The following CADPS2 variants were observed in gnomAD, a reference collection of about 807,000 sequenced individuals.
CADPS2 encodes the protein calcium-dependent secretion activator 2.
In CADPS2, 93 loss-of-function variants were observed where a neutral mutation model predicts 172.5. The observed-to-expected ratio is 0.54, with a 90% confidence interval of 0.46 to 0.64. The LOEUF is 0.64. Ranked by LOEUF, CADPS2 falls within the 30% of genes least tolerant of loss-of-function variation. The probability of loss-of-function intolerance (pLI) is 0.00; values close to 1 mark genes in which losing one functional copy is unlikely to be tolerated. For synonymous variants in CADPS2, 546 were observed against 555.2 expected, an observed-to-expected ratio of 0.98 and a Z score of 0.23; for missense variants, 1,420 against 1,565.9, an observed-to-expected ratio of 0.91 and a Z score of 1.57.
At chr7:122,767,138 T>A (rs2093577469) in intron 1 of CADPS2, among the ~76,000 whole-genome samples, 1 of 152,178 alleles carries the variant, frequency 6.6e-6, no homozygotes, top group Non-Finnish European at 1.5e-5. Flanking sequence ...TTCTAGAAAT[T>A]TTATTTAATG....
chr7:122,368,914 A>T (rs2041338143), intron 25 of CADPS2, among the ~76,000 whole-genome samples: 1 of 152,100 alleles, frequency 6.6e-6, no homozygotes, highest in South Asian at 2.1e-4. Flanking sequence ...TGAGGAAAAT[A>T]AGTCATGTGA....
chr7:122,743,496 A>G (rs1277403302), intron 1 of CADPS2, among the ~76,000 whole-genome samples: 2 of 152,120 alleles, frequency 1.3e-5, no homozygotes, highest in Admixed American at 6.6e-5. Context: ...CTCAGTACTT[A>G]CAGTGGAAGC....
At chr7:122,569,545 T>A (rs1163053078) in intron 7 of CADPS2, among the ~76,000 whole-genome samples, 1 of 134,146 alleles carries the variant, frequency 7.5e-6, no homozygotes, top group Non-Finnish European at 1.5e-5. Flanking sequence ...AAAGTTCATA[T>A]GGAACCAAAA....
At chr7:122,512,642 T>G (rs1586757115) in intron 9 of CADPS2, among the ~76,000 whole-genome samples, 2 of 152,254 alleles carry the variant, frequency 1.3e-5, no homozygotes, top group African/African-American at 4.8e-5. Flanking sequence ...CTTGGCTTAT[T>G]TGTACTAAAT....
chr7:122,765,973 G>A (rs1313662466), intron 1 of CADPS2, among the ~76,000 whole-genome samples: 3 of 152,122 alleles, frequency 2.0e-5, no homozygotes, highest in African/African-American at 7.2e-5. Flanking sequence ...ACCTGACACT[G>A]GGTAATACAT....
At position 122,361,066 on chromosome 7, in the gene CADPS2, T is replaced by C. The variant is rs1332379065; in HGVS notation, c.3388-53A>G. ...GAATGTTACTATGCATACAAACTAA[T>C]AGCAGGACAAACAATTCCTGAATCA... On this transcript the variant is annotated intron_variant, in intron 25 of 29. Coordinates refer to ENST00000449022, the MANE Select transcript of CADPS2 (RefSeq NM_017954.11). The C allele has an allele frequency of 1.5e-5, 21 of 1,398,002 alleles. No homozygotes were observed. The Admixed American group carries it at 1.9e-4, about 13-fold the overall frequency. The allele number at this position is 1,398,002 out of a possible 1,614,324, so 86.6% of individuals were successfully genotyped here. A position where few individuals can be genotyped will look rare whatever the true frequency, so the allele number is the denominator to read the frequency against.
chr7:122,870,592 T>C (rs1330893830), intron 1 of CADPS2, among the ~76,000 whole-genome samples: 1 of 152,006 alleles, frequency 6.6e-6, no homozygotes, highest in Non-Finnish European at 1.5e-5. Context: ...TAATTATGTA[T>C]TGTATATTTC....
chr7:122,470,098 TTTTAA>T (rs1420396889), intron 14 of CADPS2, among the ~76,000 whole-genome samples: 1 of 152,170 alleles, frequency 6.6e-6, no homozygotes, highest in African/African-American at 2.4e-5. Context: ...TGGAACCTAT[TTTTAA>T]TTTAATAATC....
intron 1 of CADPS2, among the ~76,000 whole-genome samples, chr7:122,784,533 C>G (rs1006667495): frequency 3.0e-4 from 46 of 152,284 alleles, no homozygotes; most frequent in Middle Eastern, 6.8e-3. Context: ...TGAATGATTA[C>G]ATATCTCTCA....
At chr7:122,341,585 A>G (rs897950539) in intron 28 of CADPS2, among the ~76,000 whole-genome samples, 1 of 152,176 alleles carries the variant, frequency 6.6e-6, no homozygotes, top group Non-Finnish European at 1.5e-5. Flanking sequence ...CCATAACACT[A>G]CTTTATCATT....
chr7:122,687,823 C>T (rs2083832707), intron 2 of CADPS2, among the ~76,000 whole-genome samples: 1 of 152,128 alleles, frequency 6.6e-6, no homozygotes. Context: ...AGTAAAATCA[C>T]CACTAATATA....
At chr7:122,847,161 A>G (rs1471386655) in intron 1 of CADPS2, among the ~76,000 whole-genome samples, 1 of 151,940 alleles carries the variant, frequency 6.6e-6, no homozygotes. Flanking sequence ...ATCTCAGCTC[A>G]CTGCAACCTC....
chr7:122,425,425 CAAAAA>C (rs71159797), intron 17 of CADPS2, among the ~76,000 whole-genome samples: 3 of 72,674 alleles, frequency 4.1e-5, no homozygotes, highest in African/African-American at 1.1e-4. Flanking sequence ...CTATCTCTAC[CAAAAA>C]AAAAAAAAAA....
chr7:122,390,256 C>G (rs60674414), intron 22 of CADPS2, among the ~76,000 whole-genome samples: 47,730 of 151,694 alleles, frequency 0.31, 7,507 homozygotes, highest in East Asian at 0.42. Flanking sequence ...CAACACCATT[C>G]TGATACTACA....
At chr7:122,618,584 G>C (rs958860300) in intron 5 of CADPS2, among the ~76,000 whole-genome samples, 1 of 152,066 alleles carries the variant, frequency 6.6e-6, no homozygotes, top group African/African-American at 2.4e-5. Context: ...TTATTCCTTC[G>C]ACTCAGTATA....
chr7:122,367,537 CAGTTTTTTTT>C (rs2041087048), intron 25 of CADPS2, among the ~76,000 whole-genome samples: 1 of 84,788 alleles, frequency 1.2e-5, no homozygotes. Context: ...AACCTTCCCC[CAGTTTTTTTT>C]TTTTTTTTTT....
chr7:122,603,452 C>T (rs562615931), intron 6 of CADPS2, among the ~76,000 whole-genome samples: 64 of 116,096 alleles, frequency 5.5e-4, no homozygotes, highest in African/African-American at 2.5e-3. Context: ...GAAATGAATA[C>T]ATGAGCAGAA....
intron 1 of CADPS2, among the ~76,000 whole-genome samples, chr7:122,760,191 T>C (rs1321493323): frequency 6.6e-6 from 1 of 151,754 alleles, no homozygotes; most frequent in Non-Finnish European, 1.5e-5. Flanking sequence ...GTAAAACATA[T>C]TATTAAGCAC....
chr7:122,702,668 C>G (rs747690221), intron 2 of CADPS2: 1 of 1,613,234 alleles, frequency 6.2e-7, no homozygotes. Flanking sequence ...GTCAGGAAAG[C>G]TAAGTAGTAG....
Sources: gnomAD v4.1 joint callset for allele counts (sites outside exome capture counted in the v4.1 genomes callset) on GRCh38, gnomAD v4.1.1 for gene constraint, MANE v1.5 for transcripts, NCBI Gene and HGNC (gene_info 2026-07-23, HGNC 2026-07-21) for gene names.